Variants in DDX59 observed in about 807,000 individuals in gnomAD.
DDX59 encodes the protein DEAD-box helicase 59, also known as probable ATP-dependent RNA helicase DDX59.
Under a neutral mutation model 51.9 loss-of-function variants are expected in DDX59, and 30 were observed. The ratio of observed to expected loss-of-function variants is 0.58; its 90% CI spans 0.43 to 0.78. The LOEUF is 0.78. Among genes scored for constraint, DDX59 ranks in the 30% least tolerant of loss-of-function variants. The pLI, the probability that DDX59 is intolerant of heterozygous loss-of-function variation, is 0.00. For missense variants in DDX59, 672 were observed against 730.8 expected (o/e 0.92, Z 0.93); for synonymous variants, 255 against 253.3 (o/e 1.01, Z -0.06).
At chr1:200,648,679 T>C (rs763103954) in intron 6 of DDX59, 112 bp from the exon 7 acceptor site, 148 of 1,291,740 alleles carry the variant, frequency 1.1e-4, no homozygotes, top group Non-Finnish European at 1.5e-4. Flanking sequence ...TATTGCAATA[T>C]TTTTTCAATA....
chr1:200,643,940 A>T (rs1661129839), downstream of DDX59: 1 of 227,378 alleles, frequency 4.4e-6, no homozygotes. Context: ...GAACCAAGTA[A>T]AACAATCACT....
At chr1:200,664,837 G>A (rs898161228) in intron 2 of DDX59, among the ~76,000 whole-genome samples, 12 of 151,996 alleles carry the variant, frequency 7.9e-5, no homozygotes, top group East Asian at 3.9e-4. Flanking sequence ...CATCATGCCC[G>A]GCTAATTTTG....
At chr1:200,654,957 C>T (rs576070671) in intron 4 of DDX59, 13 of 152,288 alleles carry the variant, frequency 8.5e-5, no homozygotes, top group African/African-American at 2.9e-4. Flanking sequence ...AGCCCTAGCC[C>T]CTGCCTCTGT....
intron 7 of DDX59, 35 bp downstream of exon 7, chr1:200,648,404 T>C: frequency 6.2e-7 from 1 of 1,608,568 alleles, no homozygotes; most frequent in Non-Finnish European, 8.5e-7. Context: ...ATAAAACTCG[T>C]GAACAAAATA....
intron 4 of DDX59, among the ~76,000 whole-genome samples, chr1:200,656,400 G>A (rs1006792257): frequency 2.6e-5 from 4 of 152,080 alleles, no homozygotes; most frequent in Non-Finnish European, 5.9e-5. Flanking sequence ...CTTTACTTCA[G>A]TATATGTATC....
rs552966355 is a variant in DDX59 at position 200,653,689 on chromosome 1, C to T, written c.1063-3013G>A. Among the ~76,000 whole-genome samples the T allele has an allele frequency of 1.1e-3, 160 of 152,312 alleles. 3 individuals are homozygous for T. The South Asian group carries it at 0.032, about 30-fold the overall frequency. On this transcript the variant is annotated intron_variant, in intron 4 of 7. Transcript: ENST00000331314. Reference sequence around the variant, plus strand: ...CTCTGACTTCATCTCCAAGCACTCTCCCCTCACTGCTCGTGACTCTGCCAC... The same window carrying T: ...CTCTGACTTCATCTCCAAGCACTCTTCCCTCACTGCTCGTGACTCTGCCAC...
At chr1:200,641,397 T>A (rs1373386031), downstream of DDX59, 10 of 215,282 alleles carry the variant, frequency 4.6e-5, no homozygotes, top group South Asian at 6.0e-5. Flanking sequence ...CCAAAAAAAC[T>A]AAAAAAAAAA....
intron 5 of DDX59, among the ~76,000 whole-genome samples, chr1:200,650,096 G>A (rs1321139767): frequency 3.3e-5 from 5 of 151,866 alleles, no homozygotes; most frequent in African/African-American, 7.3e-5. Context: ...TGCCCGCCTC[G>A]GCCTCCTAAA....
downstream of DDX59, among the ~76,000 whole-genome samples, chr1:200,643,336 A>T (rs1156965065): frequency 6.6e-6 from 1 of 152,102 alleles, no homozygotes; most frequent in Non-Finnish European, 1.5e-5. Flanking sequence ...TTTTCTGGCC[A>T]TGCCACTTTT....
chr1:200,651,975 T>G lies in DDX59; in HGVS notation c.1063-1299A>C, dbSNP rs1433476814. ...GTGAGCCGAGATCGTGCCAGTGCAC[T>G]CCAGCCTGGGCTATAGAGTGAGCCT... On this transcript the variant is annotated intron_variant, in intron 4 of 7. Transcript: ENST00000331314. Among the ~76,000 whole-genome samples, 26 of 131,008 alleles carry G rather than the reference T, an allele frequency of 2.0e-4. No homozygotes were observed. The Admixed American group carries it at 2.2e-3, about 11-fold the overall frequency. 85.9% of individuals were successfully genotyped at this position (131,008 alleles called of 152,430 possible).
intron 1 of DDX59, among the ~76,000 whole-genome samples, chr1:200,668,299 C>G (rs1288959420): frequency 1.4e-5 from 2 of 141,016 alleles, no homozygotes; most frequent in Admixed American, 7.1e-5. Context: ...CAGAGCAAGA[C>G]TCCGTCTCAA....
chr1:200,657,455 A>G (rs1231472989), intron 4 of DDX59, among the ~76,000 whole-genome samples: 3 of 151,594 alleles, frequency 2.0e-5, no homozygotes, highest in African/African-American at 4.9e-5. Context: ...TCTTCAGTCT[A>G]TAAGACATTT....
intron 1 of DDX59, chr1:200,669,405 C>CA (rs34308064): frequency 6.6e-6 from 1 of 152,046 alleles, no homozygotes; most frequent in Non-Finnish European, 1.5e-5. Context: ...GCTTGGAACT[C>CA]AGTCTTCCAA....
chr1:200,667,722 A>G (rs981494607), intron 1 of DDX59, among the ~76,000 whole-genome samples: 34 of 152,350 alleles, frequency 2.2e-4, no homozygotes, highest in South Asian at 8.3e-4. Flanking sequence ...TGCTATTTTC[A>G]TAAGTAACAC....
intron 5 of DDX59, 37 bp from the exon 6 acceptor site, chr1:200,649,263 A>C: frequency 6.7e-7 from 1 of 1,490,440 alleles, no homozygotes; most frequent in Non-Finnish European, 9.0e-7. Context: ...AATTATTCAT[A>C]TAAAATAATT....
intron 4 of DDX59, among the ~76,000 whole-genome samples, chr1:200,653,548 T>A (rs1211344878): frequency 1.3e-5 from 2 of 152,176 alleles, no homozygotes; most frequent in Admixed American, 1.3e-4. Context: ...AAAATATAAA[T>A]CAGATCTTCA....
intron 1 of DDX59, among the ~76,000 whole-genome samples, chr1:200,669,308 G>A (rs1662993469): frequency 6.6e-6 from 1 of 152,042 alleles, no homozygotes; most frequent in African/African-American, 2.4e-5. Flanking sequence ...AAATGCAACC[G>A]AGGGTCTAGA....
At position 200,664,034 on chromosome 1, in the gene DDX59, T is replaced by C; in HGVS notation, c.857A>G (p.Gln286Arg). The change falls in exon 3 of 8, where the codon CAG becomes CGG. Residue 286 changes from glutamine (Q) to arginine (R), a missense_variant. Transcript: ENST00000331314. ...CAATTCTTTAGCTTGTCTCTCTATC[T>C]GAATGGCTAACTCTCTGGTTGGTGT... is the stretch of plus-strand genomic sequence containing the variant. ...ILTPTRELAIQIERQAKELMS... is the reference protein window; with the variant it reads ...ILTPTRELAIRIERQAKELMS... 1 of 1,614,224 alleles carries C rather than the reference T, an allele frequency of 6.2e-7. No homozygotes were observed. The highest frequency in any genetic ancestry group is 1.1e-5 in the South Asian group (1 of 91,078).
At chr1:200,641,370 G>T, downstream of DDX59, 6 of 328,814 alleles carry the variant, frequency 1.8e-5, no homozygotes, top group Non-Finnish European at 1.1e-5. Context: ...AATGATCTTT[G>T]TAAAGATGTT....
Sources: gnomAD v4.1 joint callset for allele counts (sites outside exome capture counted in the v4.1 genomes callset) on GRCh38, gnomAD v4.1.1 for gene constraint, MANE v1.5 for transcripts, NCBI Gene and HGNC (gene_info 2026-07-23, HGNC 2026-07-21) for gene names.